CALN1: variants seen among roughly 807,000 people sequenced by gnomAD.
CALN1 encodes the protein calneuron 1.
A neutral mutation model predicts 30.6 loss-of-function variants in CALN1; 17 were observed. The ratio of observed to expected loss-of-function variants is 0.56; its 90% CI spans 0.38 to 0.83. CALN1 has a LOEUF of 0.83. Among genes scored for constraint, CALN1 ranks in the 40% least tolerant of loss-of-function variants. The pLI, the probability that CALN1 is intolerant of heterozygous loss-of-function variation, is 0.00. For missense variants in CALN1, 291 were observed against 354.9 expected (o/e 0.82, Z 1.45); for synonymous variants, 156 against 131.4 (o/e 1.19, Z -1.28).
Position 72,371,602 on chromosome 7 carries a change from C to G in CALN1, c.119+31649G>C, listed in dbSNP as rs372444709. Reference sequence around the variant, plus strand: ...TGTGGAACTGTGAGTCAGTTAACCTCTTTACTTTATAAATTACCCAGTCTT... The same window carrying G: ...TGTGGAACTGTGAGTCAGTTAACCTGTTTACTTTATAAATTACCCAGTCTT... On this transcript the variant is annotated intron_variant, in intron 2 of 6. Coordinates refer to ENST00000395275, the MANE Select transcript of CALN1 (RefSeq NM_031468.4). 6.6e-5 allele frequency among the ~76,000 whole-genome samples: 10 copies of G among 152,296 alleles called. No individual in the cohort carries two copies. The East Asian group carries it at 1.9e-3, about 29-fold the overall frequency.
intron 2 of CALN1, among the ~76,000 whole-genome samples, chr7:72,335,190 G>C (rs1001140903): frequency 6.6e-6 from 1 of 152,096 alleles, no homozygotes; most frequent in African/African-American, 2.4e-5. Flanking sequence ...ATAAAACCAC[G>C]AACAAGCCAA....
intron 3 of CALN1, among the ~76,000 whole-genome samples, chr7:72,140,340 A>AAGGGAGGGAGGG (rs200997090): frequency 3.7e-4 from 24 of 65,396 alleles, no homozygotes; most frequent in African/African-American, 8.0e-4. Flanking sequence ...AGAAGGAAGG[A>AAGGGAGGGAGGG]AGGGAGGGAG....
At chr7:72,012,143 C>T (rs1800117812) in intron 5 of CALN1, among the ~76,000 whole-genome samples, 1 of 152,186 alleles carries the variant, frequency 6.6e-6, no homozygotes, top group Non-Finnish European at 1.5e-5. Context: ...CTCTTCTCCC[C>T]ACCTACAGCC....
At chr7:72,084,840 T>C (rs937047966) in intron 4 of CALN1, among the ~76,000 whole-genome samples, 4 of 152,190 alleles carry the variant, frequency 2.6e-5, no homozygotes, top group South Asian at 4.1e-4. Flanking sequence ...TCAACTGCGG[T>C]TGGAAAATAT....
chr7:71,815,179 A>G (rs1348991454), intron 5 of CALN1, among the ~76,000 whole-genome samples: 1 of 152,174 alleles, frequency 6.6e-6, no homozygotes, highest in African/African-American at 2.4e-5. Flanking sequence ...TCCAGTCAAC[A>G]GTAGGCTATT....
chr7:72,410,923 G>A (rs1363183679), intron 1 of CALN1, among the ~76,000 whole-genome samples: 1 of 151,980 alleles, frequency 6.6e-6, no homozygotes, highest in African/African-American at 2.4e-5. Context: ...AACATGATTA[G>A]ACAATTAGAG....
At chr7:72,185,122 T>C (rs1790087540) in intron 3 of CALN1, among the ~76,000 whole-genome samples, 1 of 152,010 alleles carries the variant, frequency 6.6e-6, no homozygotes, top group African/African-American at 2.4e-5. Flanking sequence ...CTCTGTTGAA[T>C]TAGTGTGAGA....
intron 5 of CALN1, among the ~76,000 whole-genome samples, chr7:71,837,168 G>A (rs1198293729): frequency 7.1e-6 from 1 of 140,040 alleles, no homozygotes; most frequent in Non-Finnish European, 1.5e-5. Flanking sequence ...GAAGGCAGAG[G>A]TTGCAGTGAG....
chr7:72,193,762 G>C (rs1390494353), intron 3 of CALN1, among the ~76,000 whole-genome samples: 2 of 152,144 alleles, frequency 1.3e-5, no homozygotes, highest in Admixed American at 1.3e-4. Flanking sequence ...TAAAGAAATT[G>C]TCTATACTAT....
the CALN1 span, among the ~76,000 whole-genome samples, chr7:72,496,472 A>C: frequency 6.6e-6 from 1 of 152,222 alleles, no homozygotes; most frequent in African/African-American, 2.4e-5. Flanking sequence ...CCTGGCAGAA[A>C]TTAGGGAACT....
intron 5 of CALN1, among the ~76,000 whole-genome samples, chr7:71,868,406 C>G (rs2116714627): frequency 6.9e-6 from 1 of 145,850 alleles, no homozygotes; most frequent in East Asian, 2.0e-4. Context: ...GAGTTTTGCT[C>G]TGTCACCCAG....
chr7:72,396,910 A>T (rs756596002), intron 2 of CALN1, among the ~76,000 whole-genome samples: 8 of 152,026 alleles, frequency 5.3e-5, no homozygotes, highest in Non-Finnish European at 4.4e-5. Context: ...GTAGTAGTAA[A>T]AGTAGTAGTA....
At chr7:72,197,287 C>T (rs970669125) in intron 3 of CALN1, among the ~76,000 whole-genome samples, 4 of 150,864 alleles carry the variant, frequency 2.7e-5, no homozygotes, top group Admixed American at 6.6e-5. Flanking sequence ...CTGCAACCTC[C>T]GCCTCCCAGG....
chr7:72,497,346 A>G, the CALN1 span, among the ~76,000 whole-genome samples: 4 of 152,182 alleles, frequency 2.6e-5, no homozygotes. Flanking sequence ...AGTCTGAGGC[A>G]GGAGAATCGC....
At chr7:72,005,184 A>C (rs570062214) in intron 5 of CALN1, among the ~76,000 whole-genome samples, 1 of 152,360 alleles carries the variant, frequency 6.6e-6, no homozygotes, top group African/African-American at 2.4e-5. Context: ...AAAAGCCTGC[A>C]TACAAATGGT....
the CALN1 span, among the ~76,000 whole-genome samples, chr7:72,466,242 T>A: frequency 6.7e-6 from 1 of 148,254 alleles, no homozygotes; most frequent in Non-Finnish European, 1.5e-5. Flanking sequence ...AGATGTGTGG[T>A]GTGTGTGTGT....
chr7:72,373,628 G>T (rs780922428), intron 2 of CALN1, among the ~76,000 whole-genome samples: 1 of 152,146 alleles, frequency 6.6e-6, no homozygotes, highest in East Asian at 1.9e-4. Context: ...GGTAAACTAG[G>T]CTAAGTTATG....
intron 2 of CALN1, among the ~76,000 whole-genome samples, chr7:72,370,113 A>G (rs1804136932): frequency 6.6e-6 from 1 of 152,232 alleles, no homozygotes; most frequent in South Asian, 2.1e-4. Context: ...CAATGACTCT[A>G]CATTGTCACC....
At chr7:71,812,957 AT>A (rs1788050890) in intron 5 of CALN1, among the ~76,000 whole-genome samples, 1 of 148,932 alleles carries the variant, frequency 6.7e-6, no homozygotes, top group Admixed American at 6.8e-5. Context: ...TATTATTATT[AT>A]TATTATTTGA....
Sources: allele counts gnomAD v4.1 joint callset (sites outside exome capture counted in the v4.1 genomes callset), GRCh38; gene constraint gnomAD v4.1.1; transcripts MANE v1.5; gene names NCBI Gene and HGNC (gene_info 2026-07-23, HGNC 2026-07-21).